MARCHF1: variants seen among roughly 807,000 people sequenced by gnomAD.
MARCHF1 encodes the protein membrane associated ring-CH-type finger 1, also known as E3 ubiquitin-protein ligase MARCHF1.
MARCHF1 carries 40 observed loss-of-function variants against 54.2 expected under a neutral mutation model. That is an observed-to-expected ratio of 0.74 (90% CI 0.57 to 0.96). MARCHF1 has a LOEUF of 0.96. Ranked by LOEUF, MARCHF1 falls within the 40% of genes least tolerant of loss-of-function variation. The pLI is 0.00. For missense variants in MARCHF1, 586 were observed against 656.5 expected (o/e 0.89, Z 1.17); for synonymous variants, 236 against 236.3 (o/e 1.00, Z 0.01).
At chr4:164,111,236 A>T (rs1755827832) in intron 2 of MARCHF1, among the ~76,000 whole-genome samples, 1 of 151,776 alleles carries the variant, frequency 6.6e-6, no homozygotes, top group Admixed American at 6.6e-5. Flanking sequence ...GGTAAAATCA[A>T]ATGTATTTGT....
intron 5 of MARCHF1, among the ~76,000 whole-genome samples, chr4:163,684,849 A>G (rs971358939): frequency 1.8e-4 from 27 of 152,170 alleles, no homozygotes; most frequent in Non-Finnish European, 3.8e-4. Flanking sequence ...CAACATCCAC[A>G]TTTCTGAAAC....
intron 5 of MARCHF1, among the ~76,000 whole-genome samples, chr4:163,685,976 C>A (rs983255969): frequency 4.6e-5 from 7 of 152,066 alleles, no homozygotes; most frequent in African/African-American, 1.4e-4. Context: ...GGACTGAGGG[C>A]AAATTATTTA....
At chr4:164,301,963 G>A (rs1190687954) in intron 1 of MARCHF1, among the ~76,000 whole-genome samples, 1 of 152,190 alleles carries the variant, frequency 6.6e-6, no homozygotes, top group African/African-American at 2.4e-5. Flanking sequence ...GGACTGTGGA[G>A]GAGATAAGAG....
At chr4:163,772,916 A>G (rs1371212642) in intron 4 of MARCHF1, among the ~76,000 whole-genome samples, 2 of 152,150 alleles carry the variant, frequency 1.3e-5, no homozygotes, top group Non-Finnish European at 2.9e-5. Context: ...TCCCTGTAGT[A>G]TATGGAAGGA....
chr4:163,774,087 A>G (rs907164306), intron 4 of MARCHF1, among the ~76,000 whole-genome samples: 3 of 152,214 alleles, frequency 2.0e-5, no homozygotes, highest in Non-Finnish European at 4.4e-5. Context: ...AGCAGATACT[A>G]AAATCCACAG....
At chr4:164,379,607 A>G (rs1260944451) in intron 1 of MARCHF1, among the ~76,000 whole-genome samples, 5 of 152,258 alleles carry the variant, frequency 3.3e-5, no homozygotes, top group African/African-American at 4.8e-5. Flanking sequence ...ATGAAAAATC[A>G]TAAAATCACC....
At chr4:163,963,788 C>T (rs1295768547) in intron 3 of MARCHF1, among the ~76,000 whole-genome samples, 1 of 151,878 alleles carries the variant, frequency 6.6e-6, no homozygotes, top group African/African-American at 2.4e-5. Context: ...CTGTGAAAAA[C>T]TCAAGTCATA....
At chr4:164,249,455 G>C (rs945386325) in intron 1 of MARCHF1, among the ~76,000 whole-genome samples, 10 of 152,038 alleles carry the variant, frequency 6.6e-5, no homozygotes, top group Non-Finnish European at 1.0e-4. Flanking sequence ...GCTTAATGTA[G>C]GCAGCAGGGG....
intron 2 of MARCHF1, among the ~76,000 whole-genome samples, chr4:164,027,392 A>AAAAAAAAAAAAAACAAAAAAAAAAAT (rs1553971149): frequency 1.7e-5 from 1 of 58,982 alleles, no homozygotes; most frequent in Non-Finnish European, 3.3e-5. Flanking sequence ...AAAAAAAAAA[A>AAAAAAAAAAAAAACAAAAAAAAAAAT]AGATACATAG....
chr4:163,917,229 C>T (rs1751329201), intron 3 of MARCHF1, among the ~76,000 whole-genome samples: 1 of 152,094 alleles, frequency 6.6e-6, no homozygotes, highest in African/African-American at 2.4e-5. Flanking sequence ...CATCTGTGCA[C>T]AGGTTTTTGT....
intron 1 of MARCHF1, among the ~76,000 whole-genome samples, chr4:164,357,370 AC>A (rs1232751601): frequency 1.3e-5 from 2 of 151,998 alleles, no homozygotes; most frequent in African/African-American, 4.8e-5. Flanking sequence ...TTCTGCCATC[AC>A]ATCTCTTTTT....
intron 3 of MARCHF1, among the ~76,000 whole-genome samples, chr4:163,915,294 C>A (rs1392966101): frequency 6.6e-6 from 1 of 151,984 alleles, no homozygotes; most frequent in African/African-American, 2.4e-5. Flanking sequence ...TTTACCTTGC[C>A]TCTGTGATAT....
At position 163,668,138 on chromosome 4, in the gene MARCHF1, G is replaced by A. The variant is rs575029806; in HGVS notation, c.162+32675C>T. Among the ~76,000 whole-genome samples, 662 of 152,210 alleles carry A rather than the reference G, an allele frequency of 4.3e-3. 1 individual carries two copies. The highest frequency in any genetic ancestry group is 6.4e-3 in the Non-Finnish European group (435 of 68,008). On this transcript the variant is annotated intron_variant, in intron 5 of 9. Coordinates refer to ENST00000514618, the MANE Select transcript of MARCHF1 (RefSeq NM_001394959.1). ...ACCAACTGATCATGATACAGTTATAGCACTCTCTGTGATGTAGACTACCAT... is the reference window on the plus strand; with the variant it reads ...ACCAACTGATCATGATACAGTTATAACACTCTCTGTGATGTAGACTACCAT...
At chr4:164,027,362 TAAAAA>T (rs59453843) in intron 2 of MARCHF1, among the ~76,000 whole-genome samples, 164 of 10,778 alleles carry the variant, frequency 0.015, no homozygotes, top group African/African-American at 0.026. Flanking sequence ...ATGGTACAGG[TAAAAA>T]AAAAAAAAAA....
At chr4:164,112,411 C>CT (rs1755853222) in intron 1 of MARCHF1, among the ~76,000 whole-genome samples, 1 of 151,864 alleles carries the variant, frequency 6.6e-6, no homozygotes, top group Non-Finnish European at 1.5e-5. Flanking sequence ...ATCTTATAAT[C>CT]TCTCCATATT....
At chr4:163,676,255 G>A (rs1743915326) in intron 5 of MARCHF1, among the ~76,000 whole-genome samples, 1 of 151,486 alleles carries the variant, frequency 6.6e-6, no homozygotes. Context: ...TACTAGGGAG[G>A]CTGAGGCAGG....
intron 3 of MARCHF1, among the ~76,000 whole-genome samples, chr4:163,881,995 A>G (rs1027888017): frequency 1.3e-5 from 2 of 152,206 alleles, no homozygotes; most frequent in African/African-American, 4.8e-5. Context: ...TTGTCACTTC[A>G]TGAAGAAAGC....
At chr4:164,330,197 A>T (rs77644308) in intron 1 of MARCHF1, 19,184 of 151,862 alleles carry the variant, frequency 0.13, 1,971 homozygotes, top group East Asian at 0.41. Context: ...AAACAAAAAC[A>T]AAAGAAAAGG....
chr4:163,998,553 T>C (rs1272582263), intron 2 of MARCHF1, among the ~76,000 whole-genome samples: 1 of 151,756 alleles, frequency 6.6e-6, no homozygotes, highest in Non-Finnish European at 1.5e-5. Flanking sequence ...TACAACATAT[T>C]GTTATTAACT....
Sources: gnomAD v4.1 joint callset for allele counts (sites outside exome capture counted in the v4.1 genomes callset) on GRCh38, gnomAD v4.1.1 for gene constraint, MANE v1.5 for transcripts, NCBI Gene and HGNC (gene_info 2026-07-23, HGNC 2026-07-21) for gene names.